NEK7: variants seen among roughly 807,000 people sequenced by gnomAD.
NEK7 encodes serine/threonine-protein kinase Nek7.
Under a neutral mutation model 44.6 loss-of-function variants are expected in NEK7, and 18 were observed. The ratio of observed to expected loss-of-function variants is 0.40; its 90% CI spans 0.28 to 0.60. The LOEUF is 0.60. Ranked by LOEUF, NEK7 falls within the 20% of genes least tolerant of loss-of-function variation. NEK7 has a pLI of 0.38. For missense variants in NEK7, 256 were observed against 366.5 expected (o/e 0.70, Z 2.46); for synonymous variants, 130 against 121.1 (o/e 1.07, Z -0.48).
chr1:198,310,318 G>C (rs559300922), intron 9 of NEK7, among the ~76,000 whole-genome samples: 72 of 151,916 alleles, frequency 4.7e-4, no homozygotes, highest in African/African-American at 1.5e-3. Context: ...AGATTTGTTT[G>C]AGTTCATTGT....
chr1:198,245,435 C>G (rs972757273), intron 2 of NEK7: 1 of 167,680 alleles, frequency 6.0e-6, no homozygotes, highest in African/African-American at 2.4e-5. Context: ...GCCAGTAAAG[C>G]TGCCTGAGCG....
At chr1:198,317,186 C>A (rs1365238215) in intron 9 of NEK7, among the ~76,000 whole-genome samples, 1 of 152,128 alleles carries the variant, frequency 6.6e-6, no homozygotes, top group Non-Finnish European at 1.5e-5. Flanking sequence ...TTTGATTCTT[C>A]TGGAAAAGGA....
chr1:198,157,736 GGA>G (rs1663956442), intron 1 of NEK7, among the ~76,000 whole-genome samples: 1 of 152,222 alleles, frequency 6.6e-6, no homozygotes, highest in Non-Finnish European at 1.5e-5. Context: ...AAGTGCGCTG[GGA>G]GAGAGTGGGT....
chr1:198,205,310 C>T (rs1485865154), intron 1 of NEK7, among the ~76,000 whole-genome samples: 1 of 152,166 alleles, frequency 6.6e-6, no homozygotes, highest in Non-Finnish European at 1.5e-5. Context: ...AACCTCCACT[C>T]CTATTAAATG....
chr1:198,240,360 G>T (rs1364303694), intron 2 of NEK7, among the ~76,000 whole-genome samples: 2 of 152,152 alleles, frequency 1.3e-5, no homozygotes, highest in Non-Finnish European at 2.9e-5. Flanking sequence ...TCTCTTGCCT[G>T]CTGCTTTCTT....
In NEK7 at chr1:198,244,327, T is replaced by A. The variant is rs149046800; in HGVS notation, c.58-8713T>A. Among the ~76,000 whole-genome samples the A allele has an allele frequency of 1.9e-4, 29 of 152,268 alleles. No homozygotes were observed. The East Asian group carries it at 4.8e-3, about 25-fold the overall frequency. On this transcript the variant is annotated intron_variant, in intron 2 of 9. Coordinates refer to ENST00000367385, the MANE Select transcript of NEK7 (RefSeq NM_133494.3). ...GAGACTATTGAGTTCATGCTGTGAC[T>A]CTTCTAATTTCCCCAGAGAGGATTA...
chr1:198,232,676 A>G, intron 2 of NEK7, 39 bp downstream of exon 2: 2 of 1,200,726 alleles, frequency 1.7e-6, no homozygotes, highest in Non-Finnish European at 2.5e-6. Flanking sequence ...ACTATATATA[A>G]TCTGTGTTAA....
At chr1:198,166,782 A>G (rs901890182) in intron 1 of NEK7, among the ~76,000 whole-genome samples, 6 of 152,246 alleles carry the variant, frequency 3.9e-5, no homozygotes, top group East Asian at 1.9e-4. Flanking sequence ...AATAATAGTG[A>G]CATAGTTTGA....
At chr1:198,239,180 A>G (rs1666618583) in intron 2 of NEK7, among the ~76,000 whole-genome samples, 2 of 152,174 alleles carry the variant, frequency 1.3e-5, no homozygotes, top group Admixed American at 1.3e-4. Context: ...TTGTCTTTCT[A>G]AAGTATACAT....
At chr1:198,161,530 A>G (rs1050542451) in intron 1 of NEK7, among the ~76,000 whole-genome samples, 2 of 152,200 alleles carry the variant, frequency 1.3e-5, no homozygotes, top group African/African-American at 2.4e-5. Flanking sequence ...ATTTTCCACA[A>G]CAGCGTTTTA....
At chr1:198,308,908 A>C (rs1571620381) in intron 9 of NEK7, among the ~76,000 whole-genome samples, 1 of 151,716 alleles carries the variant, frequency 6.6e-6, no homozygotes, top group Admixed American at 6.6e-5. Context: ...CCTCCACAAA[A>C]CCTTTTCTTT....
intron 2 of NEK7, among the ~76,000 whole-genome samples, chr1:198,252,697 C>T (rs927036591): frequency 6.9e-6 from 1 of 144,446 alleles, no homozygotes; most frequent in African/African-American, 2.6e-5. Context: ...TGTATTAAAA[C>T]ATGTATGTAT....
At position 198,320,998 on chromosome 1, in the gene NEK7, A is replaced by C. The variant is rs1437620941; in HGVS notation, c.*1476A>C. 4 of 152,262 alleles carry C rather than the reference A, an allele frequency of 2.6e-5. No individual in the cohort carries two copies. The highest frequency in any genetic ancestry group is 4.8e-5 in the African/African-American group (2 of 41,450). 9.4% of individuals were successfully genotyped at this position (152,262 alleles called of 1,614,324 possible). ...CACAGAATTGTGAAGCCTGAAGGCC[A>C]AGAGGAAGTCACTGTTAAAGGACTC... On this transcript the variant is annotated 3_prime_UTR_variant, in exon 10 of 10. Transcript: ENST00000367385.
chr1:198,203,221 T>G (rs533679434), intron 1 of NEK7, among the ~76,000 whole-genome samples: 1 of 152,334 alleles, frequency 6.6e-6, no homozygotes, highest in South Asian at 2.1e-4. Flanking sequence ...ACAGTTAATA[T>G]TGGCTTAGGG....
At chr1:198,292,544 T>G (rs1654590375) in intron 7 of NEK7, among the ~76,000 whole-genome samples, 1 of 152,004 alleles carries the variant, frequency 6.6e-6, no homozygotes. Flanking sequence ...TACTAAATTG[T>G]TATATTATTT....
intron 2 of NEK7, among the ~76,000 whole-genome samples, chr1:198,250,082 T>G (rs1336580617): frequency 2.0e-5 from 3 of 148,826 alleles, no homozygotes; most frequent in Non-Finnish European, 3.0e-5. Flanking sequence ...GGATCCAGTT[T>G]CAGCTTTCTA....
chr1:198,231,336 T>TATATAA, intron 1 of NEK7, among the ~76,000 whole-genome samples: 1 of 132,852 alleles, frequency 7.5e-6, no homozygotes, highest in African/African-American at 2.9e-5. Flanking sequence ...TATATATATA[T>TATATAA]AAAAACACAT....
chr1:198,268,794 C>T (rs1653743409), intron 5 of NEK7, among the ~76,000 whole-genome samples: 1 of 152,112 alleles, frequency 6.6e-6, no homozygotes, highest in Admixed American at 6.6e-5. Flanking sequence ...CAGTGCCTAG[C>T]ACAGAGCTTG....
chr1:198,293,105 T>C (rs1219756326), intron 8 of NEK7, 66 bp downstream of exon 8: 2 of 786,286 alleles, frequency 2.5e-6, no homozygotes, highest in African/African-American at 3.5e-5. Context: ...TCTATCCTTA[T>C]AGTATATACT....
Sources: allele counts gnomAD v4.1 joint callset (sites outside exome capture counted in the v4.1 genomes callset), GRCh38; gene constraint gnomAD v4.1.1; transcripts MANE v1.5; gene names NCBI Gene and HGNC (gene_info 2026-07-23, HGNC 2026-07-21).